PARP4: variants seen among roughly 807,000 people sequenced by gnomAD.
PARP4 encodes poly(ADP-ribose) polymerase family member 4.
A neutral mutation model predicts 187.7 loss-of-function variants in PARP4; 120 were observed. The observed-to-expected ratio is 0.64, with a 90% CI of 0.55 to 0.74. The LOEUF (loss-of-function observed/expected upper bound fraction) is 0.74. Ranked by LOEUF, PARP4 falls within the 30% of genes least tolerant of loss-of-function variation. The pLI, the probability that PARP4 is intolerant of heterozygous loss-of-function variation, is 0.00. For synonymous variants in PARP4, 654 were observed against 740.9 expected (o/e 0.88, Z 1.90); for missense variants, 1,836 against 2,070.5 (o/e 0.89, Z 2.20).
At chr13:24,448,571 C>CA (rs1871333077) in intron 25 of PARP4, among the ~76,000 whole-genome samples, 1 of 151,940 alleles carries the variant, frequency 6.6e-6, no homozygotes, top group South Asian at 2.1e-4. Context: ...TGGCAATTCC[C>CA]AAAAAAACTA....
chr13:24,462,113 A>C (rs191545336), intron 17 of PARP4, among the ~76,000 whole-genome samples: 1 of 152,172 alleles, frequency 6.6e-6, no homozygotes, highest in Non-Finnish European at 1.5e-5. Context: ...CCTGCCTAAG[A>C]CTGAGGCTGA....
Position 24,434,956 on chromosome 13 carries a change from G to T in PARP4, c.4185C>A (p.Pro1395=), listed in dbSNP as rs1229178582. The T allele has an allele frequency of 6.2e-7, 1 of 1,613,972 alleles. No homozygotes were observed. Among genetic ancestry groups the T allele is most frequent in the East Asian group, 2.2e-5 (1 of 44,870 alleles). Residue 1395 remains proline (P), a synonymous_variant, in exon 31 of 34, where the codon CCC becomes CCA. Transcript: ENST00000381989. ...TGPPQNPPSS[P]YCGIVFSGSS... ...TCCCTGAAAAAACAATGCCACAATA[G>T]GGTGAAGAAGGTGGGTTCTGGGGAG...
intron 23 of PARP4, among the ~76,000 whole-genome samples, chr13:24,453,384 A>AT (rs902715429): frequency 1.6e-4 from 24 of 149,444 alleles, no homozygotes; most frequent in South Asian, 6.4e-4. Flanking sequence ...GACATGGGTG[A>AT]TTTTTTTTTT....
intron 17 of PARP4, among the ~76,000 whole-genome samples, chr13:24,460,781 C>CTTAAG (rs1872180986): frequency 6.6e-6 from 1 of 152,118 alleles, no homozygotes; most frequent in Non-Finnish European, 1.5e-5. Flanking sequence ...CTTGAAACCC[C>CTTAAG]AGGTCTAAGC....
At chr13:24,459,838 G>T in intron 18 of PARP4, 134 bp downstream of exon 18, 1 of 645,358 alleles carries the variant, frequency 1.5e-6, no homozygotes, top group Non-Finnish European at 2.6e-6. Context: ...CTAAATGCAT[G>T]TCAGTAAAAT....
intron 14 of PARP4, 147 bp downstream of exon 14, chr13:24,477,554 G>C: frequency 1.8e-6 from 1 of 549,976 alleles, no homozygotes; most frequent in South Asian, 2.7e-5. Flanking sequence ...AAATTTGTGG[G>C]AAACAATTTT....
intron 30 of PARP4, among the ~76,000 whole-genome samples, chr13:24,438,746 G>A (rs1443798226): frequency 6.6e-6 from 1 of 152,110 alleles, no homozygotes; most frequent in Non-Finnish European, 1.5e-5. Context: ...TGCGCTCCCT[G>A]GAGGGTCTCA....
intron 1 of PARP4, among the ~76,000 whole-genome samples, chr13:24,512,178 G>A (rs1870049843): frequency 6.6e-6 from 1 of 152,120 alleles, no homozygotes; most frequent in African/African-American, 2.4e-5. Context: ...TGAACCATTC[G>A]GCCCTCCTAG....
chr13:24,425,454 TTTGA>T (rs894097987), intron 33 of PARP4, among the ~76,000 whole-genome samples: 2 of 152,138 alleles, frequency 1.3e-5, no homozygotes, highest in Admixed American at 6.5e-5. Flanking sequence ...ATATTATTAG[TTTGA>T]TTAGTTTTCC....
chr13:24,487,976 A>G (rs1411204002), intron 10 of PARP4, among the ~76,000 whole-genome samples: 6 of 152,266 alleles, frequency 3.9e-5, no homozygotes, highest in Admixed American at 3.3e-4. Flanking sequence ...TTTAGAAAAG[A>G]ACATGAGTTT....
At chr13:24,498,963 A>G (rs1869116623) in intron 5 of PARP4, among the ~76,000 whole-genome samples, 1 of 152,178 alleles carries the variant, frequency 6.6e-6, no homozygotes, top group Non-Finnish European at 1.5e-5. Context: ...TAAACACTAA[A>G]AATTTAAACT....
chr13:24,453,084 G>A lies in PARP4; in HGVS notation c.2827-491C>T, dbSNP rs139165653. 5.7e-3 allele frequency among the ~76,000 whole-genome samples: 873 copies of A among 152,112 alleles called. 12 individuals carry two copies. The highest frequency in any genetic ancestry group is 0.02 in the African/African-American group (815 of 41,518). On this transcript the variant is annotated intron_variant, in intron 23 of 33. Coordinates refer to ENST00000381989, the MANE Select transcript of PARP4 (RefSeq NM_006437.4). ...CAAGTGGCTGGGATTACAGGTGTCC[G>A]TCACTACGCCTGGCTAATTTTTTGT... is the stretch of plus-strand genomic sequence containing the variant.
intron 10 of PARP4, among the ~76,000 whole-genome samples, chr13:24,489,598 G>T (rs1472307368): frequency 6.6e-6 from 1 of 152,120 alleles, no homozygotes; most frequent in Admixed American, 6.5e-5. Flanking sequence ...GACAGAGCGA[G>T]ACTCCGTCTC....
intron 5 of PARP4, 59 bp from the exon 6 acceptor site, chr13:24,498,288 C>A: frequency 1.0e-6 from 1 of 971,784 alleles, no homozygotes; most frequent in South Asian, 1.4e-5. Context: ...CTACATGTGC[C>A]ATTTGAAAAT....
chr13:24,489,587 C>T (rs559355091), intron 10 of PARP4, among the ~76,000 whole-genome samples: 4 of 151,818 alleles, frequency 2.6e-5, no homozygotes, highest in South Asian at 4.2e-4. Flanking sequence ...CCAGCCTGGG[C>T]GACAGAGCGA....
Position 24,459,320 on chromosome 13 carries a change from G to T in PARP4, c.2299-10C>A. On this transcript the variant is annotated splice_polypyrimidine_tract_variant and intron_variant, in intron 18 of 33. Coordinates refer to ENST00000381989, the MANE Select transcript of PARP4 (RefSeq NM_006437.4). ...TCTTCTCTACTGTATCCTGTTAAAAGAAAAATACATTTGTATAACTAAGCA... is the reference window on the plus strand; with the variant it reads ...TCTTCTCTACTGTATCCTGTTAAAATAAAAATACATTTGTATAACTAAGCA... 1 of 1,538,750 alleles carries T rather than the reference G, an allele frequency of 6.5e-7. No individual in the cohort carries two copies. Among genetic ancestry groups the T allele is most frequent in the South Asian group, 1.2e-5 (1 of 83,370 alleles).
intron 18 of PARP4, 151 bp downstream of exon 18, chr13:24,459,821 A>C: frequency 1.7e-6 from 1 of 593,000 alleles, no homozygotes; most frequent in Non-Finnish European, 2.9e-6. Flanking sequence ...TTATACACAT[A>C]ATGTATCTAA....
chr13:24,491,154 C>T lies in PARP4; in HGVS notation c.1054-326G>A, dbSNP rs182635557. 5.0e-3 allele frequency among the ~76,000 whole-genome samples: 745 copies of T among 148,966 alleles called. 9 individuals carry two copies. The highest frequency in any genetic ancestry group is 0.018 in the African/African-American group (714 of 40,512). Reference sequence around the variant, plus strand: ...TTTTTTTTTTAGATGGAGTTTTGCTCTTGTTGACCAGGCTGGAGTGCAGTG... The same window carrying T: ...TTTTTTTTTTAGATGGAGTTTTGCTTTTGTTGACCAGGCTGGAGTGCAGTG... On this transcript the variant is annotated intron_variant, in intron 9 of 33. Transcript: ENST00000381989.
Position 24,459,999 on chromosome 13 carries a change from C to T in PARP4, c.2271G>A (p.Gln757=). 1.9e-6 allele frequency: 3 copies of T among 1,614,080 alleles called. No homozygotes were observed. The highest frequency in any genetic ancestry group is 2.5e-6 in the Non-Finnish European group (3 of 1,179,982). Reference sequence around the variant, plus strand: ...GAAGGTTTTCATTCAAAGCCTTGTCCTGTTGCCAGGGTGCTACGGTGGCGG... The same window carrying T: ...GAAGGTTTTCATTCAAAGCCTTGTCTTGTTGCCAGGGTGCTACGGTGGCGG... The part of the protein sequence containing the change: ...FMPATVAPWQ[Q]DKALNENLQD... The change falls in exon 18 of 34, where the codon CAG becomes CAA. Residue 757 remains glutamine, a synonymous_variant. Transcript: ENST00000381989.
Sources: gnomAD v4.1 joint callset for allele counts (sites outside exome capture counted in the v4.1 genomes callset) on GRCh38, gnomAD v4.1.1 for gene constraint, MANE v1.5 for transcripts, NCBI Gene and HGNC (gene_info 2026-07-23, HGNC 2026-07-21) for gene names.